Variants in IQCE observed in about 807,000 individuals in gnomAD.
IQCE encodes IQ domain-containing protein E.
In IQCE, 115 loss-of-function variants were observed where a neutral mutation model predicts 96.0. The observed-to-expected ratio is 1.20, with a 90% CI of 1.03 to 1.40. IQCE has a LOEUF of 1.40. Among genes scored for constraint, IQCE ranks in the 40% most tolerant of loss-of-function variants. The pLI is 0.00. For missense variants in IQCE, 1,041 were observed against 909.1 expected, an observed-to-expected ratio of 1.15 and a Z score of -1.87; for synonymous variants, 412 against 371.2, an observed-to-expected ratio of 1.11 and a Z score of -1.26.
intron 8 of IQCE, chr7:2,582,051 C>T (rs766434799): frequency 8.5e-6 from 4 of 468,896 alleles, no homozygotes; most frequent in South Asian, 4.7e-5. Context: ...ATTGTCTCCT[C>T]TAAGCAAGAC....
chr7:2,578,731 A>G lies in IQCE; in HGVS notation c.630+205A>G, dbSNP rs77395578. 3.2e-3 allele frequency among the ~76,000 whole-genome samples: 481 copies of G among 152,266 alleles called. 6 individuals are homozygous for G. The highest frequency in any genetic ancestry group is 0.011 in the African/African-American group (440 of 41,538). On this transcript the variant is annotated intron_variant, in intron 8 of 21. Transcript: ENST00000402050. ...AGGCTCACCACAGAGGCCAAGCAAGACACTGTAGGAAAAACCCATCACAAC... is the reference window on the plus strand; with the variant it reads ...AGGCTCACCACAGAGGCCAAGCAAGGCACTGTAGGAAAAACCCATCACAAC...
chr7:2,574,391 A>G (rs191599229), intron 6 of IQCE, among the ~76,000 whole-genome samples: 94 of 152,380 alleles, frequency 6.2e-4, no homozygotes, highest in Admixed American at 6.1e-3. Context: ...TACAAAAGAC[A>G]GCGCCTTCTC....
intron 17 of IQCE, among the ~76,000 whole-genome samples, chr7:2,600,960 G>A (rs1784393061): frequency 6.6e-6 from 1 of 152,174 alleles, no homozygotes. Flanking sequence ...GACCAGTCAG[G>A]GTGGGGCCAG....
intron 18 of IQCE, among the ~76,000 whole-genome samples, chr7:2,603,341 C>T (rs1784564716): frequency 6.6e-6 from 1 of 152,322 alleles, no homozygotes; most frequent in South Asian, 2.1e-4. Flanking sequence ...TTTGCCACCA[C>T]ACCTCTGGTG....
At position 2,589,910 on chromosome 7, in the gene IQCE, CTAAG is replaced by C; in HGVS notation, c.1050_1053del (p.Ser351Ter). On this transcript the variant is annotated frameshift_variant, in exon 14 of 22. Coordinates refer to ENST00000402050, the MANE Select transcript of IQCE (RefSeq NM_152558.5). LOFTEE classifies it high-confidence loss of function. ...CACATGTCTGTGTTGCCTCCAGAAA[CTAAG>C]TGTGATGGAGAGCTCAAAATCACAC... 6.2e-7 allele frequency: 1 copy of C among 1,613,698 alleles called. No individual in the cohort carries two copies. The highest frequency in any genetic ancestry group is 8.5e-7 in the Non-Finnish European group (1 of 1,179,922).
At chr7:2,594,140 A>G (rs2128462360) in intron 15 of IQCE, among the ~76,000 whole-genome samples, 1 of 152,290 alleles carries the variant, frequency 6.6e-6, no homozygotes, top group East Asian at 1.9e-4. Flanking sequence ...GGTGCCTGTA[A>G]TCCCAGCTAC....
At chr7:2,567,798 C>T (rs1781488181) in intron 2 of IQCE, among the ~76,000 whole-genome samples, 1 of 152,256 alleles carries the variant, frequency 6.6e-6, no homozygotes, top group African/African-American at 2.4e-5. Context: ...CACGTTTGCT[C>T]TGTGGACTCA....
chr7:2,583,273 A>G (rs1782819349), intron 9 of IQCE, among the ~76,000 whole-genome samples: 2 of 152,080 alleles, frequency 1.3e-5, no homozygotes. Context: ...TCCTTACAAA[A>G]CCATCCATTC....
intron 6 of IQCE, among the ~76,000 whole-genome samples, chr7:2,574,773 T>C (rs1482836549): frequency 6.6e-6 from 1 of 152,236 alleles, no homozygotes; most frequent in African/African-American, 2.4e-5. Flanking sequence ...TTCAGTGTTT[T>C]CCCCTCCGTC....
In IQCE at chr7:2,590,625, G is replaced by T. The variant is rs926621486; in HGVS notation, c.1244+519G>T. Reference sequence around the variant, plus strand: ...ACAAAAAATTTCTTAAATTAACTGGGCGTGGTGGCTCATGTCTGTAGTCCC... The same window carrying T: ...ACAAAAAATTTCTTAAATTAACTGGTCGTGGTGGCTCATGTCTGTAGTCCC... On this transcript the variant is annotated intron_variant, in intron 14 of 21. Coordinates refer to ENST00000402050, the MANE Select transcript of IQCE (RefSeq NM_152558.5). Among the ~76,000 whole-genome samples, 3 of 152,156 alleles carry T rather than the reference G, an allele frequency of 2.0e-5. No homozygotes were observed. In the East Asian group the frequency reaches 5.8e-4, roughly 29 times the overall value.
chr7:2,590,006 C>T lies in IQCE; in HGVS notation c.1144C>T (p.Pro382Ser), dbSNP rs1168693800. 1.2e-6 allele frequency: 2 copies of T among 1,613,900 alleles called. No individual in the cohort carries two copies. The highest frequency in any genetic ancestry group is 1.7e-6 in the Non-Finnish European group (2 of 1,180,004). Residue 382 changes from proline to serine, a missense_variant, in exon 14 of 22, where the codon CCA (proline) becomes TCA (serine). Pro to Ser is a moderately conservative substitution (Grantham distance 74). Transcript: ENST00000402050. ...LASSSALHRQ[P>S]RGDRNKDHER... The stretch of plus-strand genomic sequence containing the variant: ...ATCCAGCTCTGCGCTGCACAGACAG[C>T]CACGAGGGGACCGCAACAAGGACCA...
intron 3 of IQCE, among the ~76,000 whole-genome samples, chr7:2,571,234 G>T (rs972845005): frequency 2.9e-4 from 44 of 152,080 alleles, no homozygotes; most frequent in Admixed American, 2.7e-3. Context: ...GCCCAGGCTG[G>T]TCTTGAATTC....
chr7:2,600,587 C>T (rs967323691), intron 17 of IQCE, among the ~76,000 whole-genome samples: 12 of 152,218 alleles, frequency 7.9e-5, no homozygotes, highest in African/African-American at 2.7e-4. Context: ...AGTGACTTCC[C>T]TTTAGGTGCT....
At chr7:2,603,444 CAGT>C (rs1784572044) in intron 18 of IQCE, among the ~76,000 whole-genome samples, 1 of 151,840 alleles carries the variant, frequency 6.6e-6, no homozygotes, top group Admixed American at 6.6e-5. Flanking sequence ...ATCGGCCAGT[CAGT>C]GGTGGGTGCC....
chr7:2,593,551 G>A (rs561224891), intron 15 of IQCE, among the ~76,000 whole-genome samples: 14 of 152,398 alleles, frequency 9.2e-5, no homozygotes, highest in South Asian at 2.1e-4. Context: ...TCGACCACGC[G>A]TAGGCGCAGA....
intron 11 of IQCE, chr7:2,584,544 G>A: frequency 2.1e-6 from 1 of 474,670 alleles, no homozygotes. Flanking sequence ...TCTACATCCT[G>A]CCTTCCAGCT....
At chr7:2,607,783 G>A (rs1485947257) in intron 21 of IQCE, among the ~76,000 whole-genome samples, 4 of 152,162 alleles carry the variant, frequency 2.6e-5, no homozygotes, top group African/African-American at 7.2e-5. Flanking sequence ...TGCTCTGCGT[G>A]GACTTGAGAT....
At chr7:2,577,528 C>T (rs1386154849) in intron 6 of IQCE, among the ~76,000 whole-genome samples, 1 of 127,366 alleles carries the variant, frequency 7.9e-6, no homozygotes, top group Non-Finnish European at 1.6e-5. Flanking sequence ...GTGTGTGCGG[C>T]GTGCCCGCAT....
chr7:2,588,081 T>C lies in IQCE; in HGVS notation c.1044+204T>C, dbSNP rs553089648. 2.6e-5 allele frequency among the ~76,000 whole-genome samples: 4 copies of C among 152,370 alleles called. No homozygotes were observed. The South Asian group carries it at 6.2e-4, about 24-fold the overall frequency. On this transcript the variant is annotated intron_variant, in intron 13 of 21. Transcript: ENST00000402050. ...TGCCCCTCGCTGGGCTGTGAGCTTCTGTGCGTGGCCGCAGGCAGACGCGCT... is the reference window on the plus strand; with the variant it reads ...TGCCCCTCGCTGGGCTGTGAGCTTCCGTGCGTGGCCGCAGGCAGACGCGCT...
Sources: gnomAD v4.1 joint callset for allele counts (sites outside exome capture counted in the v4.1 genomes callset) on GRCh38, gnomAD v4.1.1 for gene constraint, MANE v1.5 for transcripts, NCBI Gene and HGNC (gene_info 2026-07-23, HGNC 2026-07-21) for gene names.